ZDHHC15: variants seen among roughly 807,000 people sequenced by gnomAD.
ZDHHC15 encodes the protein zDHHC palmitoyltransferase 15, also known as palmitoyltransferase ZDHHC15.
A neutral mutation model predicts 31.7 loss-of-function variants in ZDHHC15; 19 were observed. That is an observed-to-expected ratio of 0.60 (90% CI 0.42 to 0.88). The LOEUF (loss-of-function observed/expected upper bound fraction) is 0.88, where lower values mean the gene tolerates loss of function less well. ZDHHC15 is among the 40% of genes least tolerant of loss of function. ZDHHC15 has a pLI of 0.00. For synonymous variants in ZDHHC15, 103 were observed against 90.0 expected, an observed-to-expected ratio of 1.14 and a Z score of -0.82; for missense variants, 209 against 251.2, an observed-to-expected ratio of 0.83 and a Z score of 1.14.
intron 2 of ZDHHC15, among the ~76,000 whole-genome samples, chrX:75,488,802 C>T (rs1333589812): frequency 8.9e-6 from 1 of 112,005 alleles, no homozygotes; most frequent in Non-Finnish European, 1.9e-5. Flanking sequence ...CGAGGCATTG[C>T]CTCACCTAGG....
intron 3 of ZDHHC15, among the ~76,000 whole-genome samples, chrX:75,476,196 A>T (rs899723777): frequency 9.0e-6 from 1 of 110,566 alleles, no homozygotes; most frequent in Non-Finnish European, 1.9e-5. Context: ...TTCAATTTCA[A>T]TGTCTTTTAT....
intron 2 of ZDHHC15, among the ~76,000 whole-genome samples, chrX:75,490,220 A>T (rs950783372): frequency 2.7e-5 from 3 of 111,526 alleles, no homozygotes; most frequent in Non-Finnish European, 5.6e-5. Context: ...CCAACATTCA[A>T]ATTCAGGAAA....
Position 75,460,138 on chromosome X carries a change from G to A in ZDHHC15, c.259-9216C>T, listed in dbSNP as rs186651702. 3.6e-5 allele frequency among the ~76,000 whole-genome samples: 4 copies of A among 112,287 alleles called. No individual in the cohort carries two copies. The East Asian group carries it at 8.5e-4, about 24-fold the overall frequency. The stretch of plus-strand genomic sequence containing the variant: ...GATCTGCCTGCCTTGGCCTCCTGAA[G>A]TGATGGGATTACAGGCGTGAGCCAC... On this transcript the variant is annotated intron_variant, in intron 3 of 11. Coordinates refer to ENST00000373367, the MANE Select transcript of ZDHHC15 (RefSeq NM_144969.3).
chrX:75,415,907 G>T (rs1249148000), intron 10 of ZDHHC15, among the ~76,000 whole-genome samples: 2 of 111,810 alleles, frequency 1.8e-5, no homozygotes, highest in Admixed American at 1.9e-4. Context: ...TTTCAAACCA[G>T]GTAAAGACCT....
chrX:75,418,322 C>G (rs1340115165), intron 9 of ZDHHC15, among the ~76,000 whole-genome samples: 2 of 111,590 alleles, frequency 1.8e-5, no homozygotes, highest in Non-Finnish European at 3.8e-5. Context: ...TACCACCCTA[C>G]CCCCAACAAA....
chrX:75,405,554 TA>T (rs2083402552), intron 10 of ZDHHC15, among the ~76,000 whole-genome samples: 1 of 110,945 alleles, frequency 9.0e-6, no homozygotes, highest in South Asian at 3.8e-4. Flanking sequence ...AAATAAAATA[TA>T]TAGAAAGAGA....
At chrX:75,476,671 G>A (rs1016888044) in intron 3 of ZDHHC15, among the ~76,000 whole-genome samples, 1 of 96,083 alleles carries the variant, frequency 1.0e-5, no homozygotes, top group African/African-American at 3.9e-5. Flanking sequence ...TAAGTAATTT[G>A]TGCCTGTACT....
At chrX:75,507,771 C>T (rs758338642) in intron 1 of ZDHHC15, among the ~76,000 whole-genome samples, 1 of 111,185 alleles carries the variant, frequency 9.0e-6, no homozygotes, top group African/African-American at 3.3e-5. Context: ...TTTTTTCTTT[C>T]ATTATTTATT....
At chrX:75,513,326 A>G (rs1289527722) in intron 1 of ZDHHC15, among the ~76,000 whole-genome samples, 1 of 111,934 alleles carries the variant, frequency 8.9e-6, no homozygotes, top group African/African-American at 3.2e-5. Flanking sequence ...ACTATTGGGC[A>G]CCAAAACTAA....
intron 2 of ZDHHC15, among the ~76,000 whole-genome samples, chrX:75,486,955 C>G (rs1381278115): frequency 9.0e-6 from 1 of 111,049 alleles, no homozygotes; most frequent in Non-Finnish European, 1.9e-5. Context: ...ATCTATGGCA[C>G]CACCTATCAC....
In ZDHHC15 at chrX:75,369,038, C is replaced by A. The variant is rs747215537; in HGVS notation, c.*3940G>T. 1 of 111,664 alleles carries A rather than the reference C, an allele frequency of 9.0e-6. No individual in the cohort carries two copies. The highest frequency in any genetic ancestry group is 1.9e-5 in the Non-Finnish European group (1 of 53,142). The allele number at this position is 111,664 out of a possible 1,213,427, so 9.2% of individuals were successfully genotyped here. On this transcript the variant is annotated 3_prime_UTR_variant, in exon 12 of 12. Coordinates refer to ENST00000373367, the MANE Select transcript of ZDHHC15 (RefSeq NM_144969.3). ...TGTACCATACCTCATCAACCAATTCCTAACGAGATGGAACTCATTAATTTT... is the reference window on the plus strand; with the variant it reads ...TGTACCATACCTCATCAACCAATTCATAACGAGATGGAACTCATTAATTTT...
At chrX:75,474,278 A>C (rs1051170958) in intron 3 of ZDHHC15, among the ~76,000 whole-genome samples, 1 of 109,581 alleles carries the variant, frequency 9.1e-6, no homozygotes, top group Non-Finnish European at 1.9e-5. Flanking sequence ...CCAAGCCTCG[A>C]TCTTTCTCCT....
At chrX:75,510,491 T>TC (rs1453677520) in intron 1 of ZDHHC15, among the ~76,000 whole-genome samples, 1 of 103,877 alleles carries the variant, frequency 9.6e-6, no homozygotes, top group East Asian at 3.0e-4. Context: ...TTTTTTTTTT[T>TC]CTGTCTGATC....
intron 11 of ZDHHC15, among the ~76,000 whole-genome samples, chrX:75,376,915 T>C (rs2083065965): frequency 9.0e-6 from 1 of 111,584 alleles, no homozygotes; most frequent in Admixed American, 9.6e-5. Flanking sequence ...AAATTAGCAT[T>C]GATTCTACAT....
intron 10 of ZDHHC15, among the ~76,000 whole-genome samples, chrX:75,400,880 T>C (rs1415092503): frequency 9.0e-6 from 1 of 111,533 alleles, no homozygotes; most frequent in Non-Finnish European, 1.9e-5. Context: ...CCAGCCAAAC[T>C]AAGCTTCCTA....
intron 3 of ZDHHC15, among the ~76,000 whole-genome samples, chrX:75,463,172 C>T (rs985395099): frequency 1.7e-4 from 19 of 110,294 alleles, no homozygotes; most frequent in African/African-American, 5.9e-4. Context: ...GAATAAATTC[C>T]GGGGTACATA....
At chrX:75,404,816 T>C (rs1245727340) in intron 10 of ZDHHC15, among the ~76,000 whole-genome samples, 1 of 111,765 alleles carries the variant, frequency 8.9e-6, no homozygotes, top group Non-Finnish European at 1.9e-5. Flanking sequence ...GAAAGCACTA[T>C]AGCAATTCCT....
intron 3 of ZDHHC15, among the ~76,000 whole-genome samples, chrX:75,476,973 C>T (rs2084615319): frequency 1.8e-5 from 2 of 110,985 alleles, no homozygotes; most frequent in Non-Finnish European, 3.8e-5. Flanking sequence ...AAAAGTCAGA[C>T]TATTTTGAAA....
chrX:75,411,173 T>C (rs1465705528), intron 10 of ZDHHC15, among the ~76,000 whole-genome samples: 1 of 109,042 alleles, frequency 9.2e-6, no homozygotes, highest in Admixed American at 1.0e-4. Context: ...TTGTGTTTGA[T>C]AGATCAGTAG....
Sources: allele counts gnomAD v4.1 joint callset (sites outside exome capture counted in the v4.1 genomes callset), GRCh38; gene constraint gnomAD v4.1.1; transcripts MANE v1.5; gene names NCBI Gene and HGNC (gene_info 2026-07-23, HGNC 2026-07-21).